The following NEB variants were observed in gnomAD, a reference collection of about 807,000 sequenced individuals.
NEB encodes nemaline myopathy type 2.
NEB carries 512 observed loss-of-function variants against 952.2 expected under a neutral mutation model. The ratio of observed to expected loss-of-function variants is 0.54; its 90% CI spans 0.50 to 0.58. The LOEUF (loss-of-function observed/expected upper bound fraction) is 0.58. Among genes scored for constraint, NEB ranks in the 20% least tolerant of loss-of-function variants. NEB has a pLI of 0.00. For synonymous variants in NEB, 2,900 were observed against 3,149.8 expected, an observed-to-expected ratio of 0.92 and a Z score of 2.66; for missense variants, 8,428 against 9,231.1, an observed-to-expected ratio of 0.91 and a Z score of 3.56.
At chr2:151,617,267 T>C in intron 75 of NEB, 97 bp downstream of exon 75, 1 of 721,346 alleles carries the variant, frequency 1.4e-6, no homozygotes, top group Non-Finnish European at 2.3e-6. Context: ...TAGTTTGTAG[T>C]ATGTGTAGTA....
chr2:151,639,750 G>A, intron 62 of NEB, 107 bp downstream of exon 62: 1 of 931,328 alleles, frequency 1.1e-6, no homozygotes, highest in Non-Finnish European at 1.6e-6. Context: ...TAGACAGATA[G>A]ATAGATGCCT....
At chr2:151,723,237 A>T (rs530774035) in intron 9 of NEB, 145 bp downstream of exon 9, 44 of 487,578 alleles carry the variant, frequency 9.0e-5, no homozygotes, top group African/African-American at 8.2e-4. Flanking sequence ...GACATCATAA[A>T]TTATAACAAT....
intron 72 of NEB, 35 bp from the exon 73 acceptor site, chr2:151,619,797 A>T: frequency 6.4e-7 from 1 of 1,572,602 alleles, no homozygotes; most frequent in Non-Finnish European, 8.7e-7. Context: ...AGAAGGAAGC[A>T]CAAAGGGCTA....
intron 75 of NEB, among the ~76,000 whole-genome samples, chr2:151,616,552 G>T (rs184456418): frequency 5.0e-4 from 76 of 152,084 alleles, no homozygotes; most frequent in Admixed American, 1.3e-3. Context: ...TAATTAACTG[G>T]GCATGGTAGC....
At chr2:151,641,580 C>T (rs1380880228) in intron 60 of NEB, among the ~76,000 whole-genome samples, 1 of 152,174 alleles carries the variant, frequency 6.6e-6, no homozygotes, top group African/African-American at 2.4e-5. Flanking sequence ...ATCCTCCCGC[C>T]TTGACCTCCC....
At position 151,672,460 on chromosome 2, in the gene NEB, A is replaced by T. The variant is rs2099312780; in HGVS notation, c.4208T>A (p.Val1403Asp). 1 of 1,613,896 alleles carries T rather than the reference A, an allele frequency of 6.2e-7. No homozygotes were observed. ...AKMAQDVATN[V>D]NYKQPLHHYT... ...ATGATGCAATGGCTGTTTGTAGTTG[A>T]CATTGGTAGCGACATCCTGGGCCAT... is the stretch of plus-strand genomic sequence containing the variant. The change falls in exon 37 of 182, where the codon GTC (valine) becomes GAC (aspartate). Residue 1403 changes from valine (V) to aspartate (D), a missense_variant. Coordinates refer to ENST00000397345, the MANE Select transcript of NEB (RefSeq NM_001164508.2).
At chr2:151,678,919 T>A (rs560064368) in intron 32 of NEB, among the ~76,000 whole-genome samples, 1 of 152,282 alleles carries the variant, frequency 6.6e-6, no homozygotes, top group East Asian at 1.9e-4. Flanking sequence ...ATATTTACAC[T>A]GGTGCGATGT....
At chr2:151,571,734 T>C (rs2096635474) in intron 107 of NEB, among the ~76,000 whole-genome samples, 1 of 152,252 alleles carries the variant, frequency 6.6e-6, no homozygotes, top group South Asian at 2.1e-4. Flanking sequence ...AATGGATACA[T>C]TGTGTATTAA....
chr2:151,695,707 G>A, intron 17 of NEB, 25 bp from the exon 18 acceptor site: 1 of 1,519,820 alleles, frequency 6.6e-7, no homozygotes, highest in Non-Finnish European at 9.1e-7. Flanking sequence ...GAACCAATTA[G>A]TTCAGAAGAA....
At chr2:151,566,770 A>C (rs2096418849) in intron 114 of NEB, among the ~76,000 whole-genome samples, 1 of 152,192 alleles carries the variant, frequency 6.6e-6, no homozygotes, top group South Asian at 2.1e-4. Context: ...GCAAAGCAGG[A>C]ATAGGGCATG....
chr2:151,730,914 C>T (rs752814885), intron 3 of NEB, among the ~76,000 whole-genome samples: 1 of 152,120 alleles, frequency 6.6e-6, no homozygotes, highest in Non-Finnish European at 1.5e-5. Context: ...GCCTGTATGT[C>T]GTTACACATA....
At position 151,662,465 on chromosome 2, in the gene NEB, T is replaced by C. The variant is rs762686673; in HGVS notation, c.5764-124A>G. 4.0e-4 allele frequency: 327 copies of C among 811,044 alleles called. 1 individual carries two copies. Among genetic ancestry groups the C allele is most frequent in the Non-Finnish European group, 5.1e-4 (285 of 553,784 alleles). 50.2% of individuals were successfully genotyped at this position (811,044 alleles called of 1,614,324 possible). A position where few individuals can be genotyped will look rare whatever the true frequency, so the allele number is the denominator to read the frequency against. Reference sequence around the variant, plus strand: ...ATTTTCTGTAACTTTTCCACTTCAATATTTGCTTGAATATTGGTATTTAAC... The same window carrying C: ...ATTTTCTGTAACTTTTCCACTTCAACATTTGCTTGAATATTGGTATTTAAC... On this transcript the variant is annotated intron_variant, in intron 45 of 181. Coordinates refer to ENST00000397345, the MANE Select transcript of NEB (RefSeq NM_001164508.2).
intron 34 of NEB, among the ~76,000 whole-genome samples, chr2:151,676,609 CCTACTGCTGTTATATTGTTCATTCCTTTT>C (rs1350615060): frequency 1.5e-4 from 23 of 152,162 alleles, no homozygotes; most frequent in Non-Finnish European, 3.2e-4. Context: ...TCATTCCTTT[CCTACTGCTGTTATATTGTTCATTCCTTTT>C]CTACTGCTGT....
At chr2:151,573,017 G>GT (rs2096698238) in intron 107 of NEB, among the ~76,000 whole-genome samples, 2 of 152,130 alleles carry the variant, frequency 1.3e-5, no homozygotes, top group African/African-American at 4.8e-5. Context: ...AATGTAGTGA[G>GT]CATGAAGATT....
intron 130 of NEB, 124 bp from the exon 131 acceptor site, chr2:151,548,539 T>C (rs1373777055): frequency 3.1e-6 from 2 of 654,242 alleles, no homozygotes; most frequent in African/African-American, 1.8e-5. Flanking sequence ...ATTAAGTATG[T>C]AGAAAAGTCA....
Position 151,630,667 on chromosome 2 carries a change from G to A in NEB, c.9723+48C>T, listed in dbSNP as rs953287308. The stretch of plus-strand genomic sequence containing the variant: ...GGCCCAAGAATCTCCACAAAACTAA[G>A]TATAGACACCACCACCACAATATAG... On this transcript the variant is annotated intron_variant, in intron 67 of 181. Transcript: ENST00000397345. 1.7e-5 allele frequency: 24 copies of A among 1,452,100 alleles called. No homozygotes were observed. In the African/African-American group the frequency reaches 2.5e-4, roughly 15 times the overall value. The allele number at this position is 1,452,100 out of a possible 1,614,324, so 90.0% of individuals were successfully genotyped here.
At chr2:151,648,920 G>A (rs1322800494) in intron 54 of NEB, among the ~76,000 whole-genome samples, 3 of 152,134 alleles carry the variant, frequency 2.0e-5, no homozygotes, top group East Asian at 3.8e-4. Context: ...CAGCTGGCCC[G>A]GGTTTTGTGT....
At position 151,643,348 on chromosome 2, in the gene NEB, C is replaced by T. The variant is rs947598445; in HGVS notation, c.7962G>A (p.Leu2654=). ...RQAYDLQSDN[L]YKSDLQWLKG... is the part of the protein sequence containing the mutation. The stretch of plus-strand genomic sequence containing the variant: ...TTAGCCACTGAAGGTCTGACTTGTA[C>T]AAATTCTGAAAGTGCAAGTGACAAA... The change falls in exon 58 of 182, where the codon TTG becomes TTA. Residue 2654 remains leucine, a synonymous_variant. Transcript: ENST00000397345. 6.2e-7 allele frequency: 1 copy of T among 1,601,600 alleles called. No individual in the cohort carries two copies. Among genetic ancestry groups the T allele is most frequent in the South Asian group, 1.1e-5 (1 of 89,072 alleles).
chr2:151,552,594 C>G, intron 128 of NEB, 78 bp downstream of exon 128: 2 of 988,938 alleles, frequency 2.0e-6, no homozygotes, highest in Non-Finnish European at 3.1e-6. Flanking sequence ...ACTGCCCAGT[C>G]TATGGTTTTT....
Sources: gnomAD v4.1 joint callset for allele counts (sites outside exome capture counted in the v4.1 genomes callset) on GRCh38, gnomAD v4.1.1 for gene constraint, MANE v1.5 for transcripts, NCBI Gene and HGNC (gene_info 2026-07-23, HGNC 2026-07-21) for gene names.